The following DNA2 variants were observed in gnomAD, a reference collection of about 807,000 sequenced individuals.
DNA2 encodes the protein DNA replication ATP-dependent helicase/nuclease DNA2.
DNA2 carries 101 observed loss-of-function variants against 119.1 expected under a neutral mutation model. The observed-to-expected ratio is 0.85, with a 90% CI of 0.72 to 1.00. The LOEUF is 1.00. DNA2 is among the 50% of genes least tolerant of loss of function. The pLI, the probability that DNA2 is intolerant of heterozygous loss-of-function variation, is 0.00. For synonymous variants in DNA2, 366 were observed against 424.4 expected, an observed-to-expected ratio of 0.86 and a Z score of 1.69; for missense variants, 1,121 against 1,255.5, an observed-to-expected ratio of 0.89 and a Z score of 1.62.
At chr10:68,460,533 G>A (rs1260138454) in intron 4 of DNA2, among the ~76,000 whole-genome samples, 1 of 151,314 alleles carries the variant, frequency 6.6e-6, no homozygotes, top group Non-Finnish European at 1.5e-5. Context: ...TCAGTCCCCT[G>A]AGTAGCTGGA....
intron 1 of DNA2, among the ~76,000 whole-genome samples, chr10:68,471,540 G>T (rs997905782): frequency 6.6e-6 from 1 of 152,090 alleles, no homozygotes; most frequent in Non-Finnish European, 1.5e-5. Context: ...CTCAACTTAG[G>T]GAGAGAGGTG....
chr10:68,432,145 A>G, intron 12 of DNA2, 61 bp downstream of exon 12: 1 of 1,234,316 alleles, frequency 8.1e-7, no homozygotes, highest in Non-Finnish European at 1.2e-6. Context: ...ATTAGACTAC[A>G]GTATAAATCA....
At chr10:68,455,927 C>T (rs113477621) in intron 5 of DNA2, among the ~76,000 whole-genome samples, 3,888 of 151,146 alleles carry the variant, frequency 0.026, 151 homozygotes, top group African/African-American at 0.088. Context: ...TGTGAAAATC[C>T]CATTAGAGGG....
chr10:68,419,081 T>C lies in DNA2; in HGVS notation c.2920A>G (p.Lys974Glu). The change falls in exon 19 of 21, where the codon AAA becomes GAA. Residue 974 changes from lysine to glutamate, a missense_variant. Lys to Glu is a moderately conservative substitution (Grantham distance 56). Coordinates refer to ENST00000358410, the MANE Select transcript of DNA2 (RefSeq NM_001080449.3). Reference protein sequence around the residue: ...NTVDKYQGRDKSIVLVSFVRS... With the variant: ...NTVDKYQGRDESIVLVSFVRS... ...ACAAAAGATACTAGGACAATACTTT[T>C]GTCCCTTCCTTGGTATTTGTCTACT... The C allele has an allele frequency of 6.2e-7, 1 of 1,612,538 alleles. No individual in the cohort carries two copies. Among genetic ancestry groups the C allele is most frequent in the Non-Finnish European group, 8.5e-7 (1 of 1,179,506 alleles).
intron 5 of DNA2, among the ~76,000 whole-genome samples, chr10:68,457,500 A>G (rs2052199997): frequency 2.0e-5 from 3 of 151,974 alleles, no homozygotes; most frequent in Non-Finnish European, 4.4e-5. Flanking sequence ...CTTTCTTCTT[A>G]TCCTCCTCAT....
chr10:68,464,995 A>G (rs1264327147), intron 4 of DNA2, among the ~76,000 whole-genome samples: 1 of 149,606 alleles, frequency 6.7e-6, no homozygotes, highest in Non-Finnish European at 1.5e-5. Context: ...CTCCCCTCCA[A>G]AAAAAAAATA....
intron 1 of DNA2, chr10:68,470,735 T>C (rs1043899799): frequency 3.1e-6 from 1 of 318,396 alleles, no homozygotes; most frequent in African/African-American, 2.2e-5. Flanking sequence ...ATCCTTTTTG[T>C]AAATATGAGA....
At chr10:68,421,859 G>A (rs970655026) in intron 17 of DNA2, among the ~76,000 whole-genome samples, 5 of 151,998 alleles carry the variant, frequency 3.3e-5, no homozygotes, top group Non-Finnish European at 5.9e-5. Context: ...CTGTCACCCA[G>A]GCTGGAGTGC....
chr10:68,458,942 T>C (rs931802900), intron 5 of DNA2, among the ~76,000 whole-genome samples, 162 bp downstream of exon 5: 10 of 152,184 alleles, frequency 6.6e-5, no homozygotes, highest in Non-Finnish European at 1.5e-4. Flanking sequence ...ACTGGGTTCT[T>C]TTTTGTCATG....
chr10:68,452,737 ATTTTTTTTT>A (rs35788452), intron 5 of DNA2, among the ~76,000 whole-genome samples: 23 of 90,162 alleles, frequency 2.6e-4, no homozygotes, highest in South Asian at 2.4e-3. Flanking sequence ...ACGCCCAGCT[ATTTTTTTTT>A]TTTTTTTTTT....
intron 8 of DNA2, among the ~76,000 whole-genome samples, chr10:68,444,583 G>C (rs1420244231): frequency 6.6e-6 from 1 of 151,630 alleles, no homozygotes; most frequent in African/African-American, 2.4e-5. Context: ...AATTAGCCGG[G>C]AATGGTAGCA....
chr10:68,431,039 C>G (rs1179362545), intron 13 of DNA2, among the ~76,000 whole-genome samples: 1 of 151,714 alleles, frequency 6.6e-6, no homozygotes, highest in Non-Finnish European at 1.5e-5. Flanking sequence ...ACTTGGGAGG[C>G]TTAGGAACGA....
intron 9 of DNA2, among the ~76,000 whole-genome samples, chr10:68,440,558 A>G (rs990431697): frequency 3.9e-5 from 6 of 152,084 alleles, no homozygotes; most frequent in Non-Finnish European, 8.8e-5. Flanking sequence ...TGGCCTCCCA[A>G]AGTGCTGGGA....
chr10:68,437,661 A>G (rs1403198383), intron 9 of DNA2, among the ~76,000 whole-genome samples: 1 of 16,116 alleles, frequency 6.2e-5, no homozygotes, highest in Non-Finnish European at 3.5e-4. Context: ...AAAAACAAAA[A>G]CAAAAACAAA....
intron 5 of DNA2, among the ~76,000 whole-genome samples, chr10:68,454,398 A>AAAAC (rs888107979): frequency 2.2e-4 from 33 of 152,084 alleles, no homozygotes; most frequent in Admixed American, 7.2e-4. Context: ...CCACCAAAGG[A>AAAAC]AAACAAACAA....
rs754860265 is a variant in DNA2 at position 68,432,394 on chromosome 10, C to T, written c.1763G>A (p.Ser588Asn). 12 of 1,586,158 alleles carry T rather than the reference C, an allele frequency of 7.6e-6. No individual in the cohort carries two copies. In the South Asian group the frequency reaches 1.2e-4, roughly 17 times the overall value. The change falls in exon 11 of 21, where the codon AGC becomes AAC. Residue 588 changes from serine (S) to asparagine (N), a missense_variant and splice_region_variant. Physicochemically the swap from Ser to Asn is conservative, Grantham distance 46. Coordinates refer to ENST00000358410, the MANE Select transcript of DNA2 (RefSeq NM_001080449.3). ...LSKLMENTFV[S>N]KKLRDLIIDF... ...TTCAAATTTGCTCATTGTTACAAAC[C>T]TGACAAACGTGTTTTCCATCAATTT...
intron 10 of DNA2, 171 bp downstream of exon 10, chr10:68,436,840 G>T: frequency 1.7e-6 from 1 of 576,138 alleles, no homozygotes; most frequent in Non-Finnish European, 3.0e-6. Flanking sequence ...CTTCTTCCTT[G>T]GGAGTTTCTT....
At chr10:68,436,535 C>G (rs954166363) in intron 10 of DNA2, among the ~76,000 whole-genome samples, 1 of 152,058 alleles carries the variant, frequency 6.6e-6, no homozygotes, top group African/African-American at 2.4e-5. Flanking sequence ...ATACTAAACG[C>G]CACTCAATTA....
chr10:68,422,726 A>C lies in DNA2; in HGVS notation c.2373T>G (p.Leu791=). The C allele has an allele frequency of 2.5e-6, 4 of 1,612,264 alleles. No homozygotes were observed. Among genetic ancestry groups the C allele is most frequent in the Non-Finnish European group, 2.5e-6 (3 of 1,179,428 alleles). ...CTTCACGGTTTAGCACCAGGGGAGG[A>C]AGCTGCTGATGGTCCCCCACTAACA... ...RFVLVGDHQQ[L]PPLVLNREAR... is the part of the protein sequence containing the mutation. Residue 791 remains leucine, a synonymous_variant, in exon 15 of 21, where the codon CTT becomes CTG. Transcript: ENST00000358410.
Sources: gnomAD v4.1 joint callset for allele counts (sites outside exome capture counted in the v4.1 genomes callset) on GRCh38, gnomAD v4.1.1 for gene constraint, MANE v1.5 for transcripts, NCBI Gene and HGNC (gene_info 2026-07-23, HGNC 2026-07-21) for gene names.